Variants in GAD2 observed in about 807,000 individuals in gnomAD.
The protein encoded by GAD2 is glutamate decarboxylase 2.
Under a neutral mutation model 80.1 loss-of-function variants are expected in GAD2, and 22 were observed. The ratio of observed to expected loss-of-function variants is 0.27; its 90% CI spans 0.20 to 0.39. The LOEUF (loss-of-function observed/expected upper bound fraction) is 0.39. Among genes scored for constraint, GAD2 ranks in the 10% least tolerant of loss-of-function variants. GAD2 has a pLI of 1.00. For missense variants in GAD2, 624 were observed against 738.4 expected (o/e 0.85, Z 1.80); for synonymous variants, 274 against 256.9 (o/e 1.07, Z -0.64).
At chr10:26,236,393 C>T (rs947015939) in intron 7 of GAD2, among the ~76,000 whole-genome samples, 1 of 151,880 alleles carries the variant, frequency 6.6e-6, no homozygotes, top group East Asian at 1.9e-4. Context: ...CTCCGCCTCC[C>T]GGGATCAAGC....
chr10:26,220,992 A>G (rs1216115616), intron 4 of GAD2, among the ~76,000 whole-genome samples: 3 of 152,226 alleles, frequency 2.0e-5, no homozygotes, highest in African/African-American at 7.2e-5. Flanking sequence ...TAAAAATGTG[A>G]TGGATTAAGT....
chr10:26,256,276 T>C (rs1844942597), intron 8 of GAD2, among the ~76,000 whole-genome samples: 1 of 151,968 alleles, frequency 6.6e-6, no homozygotes, highest in South Asian at 2.1e-4. Flanking sequence ...AGAGAACCAT[T>C]TGCAAGCTCC....
At chr10:26,232,565 CG>C (rs1844618157) in intron 7 of GAD2, among the ~76,000 whole-genome samples, 1 of 148,198 alleles carries the variant, frequency 6.7e-6, no homozygotes, top group Admixed American at 6.9e-5. Context: ...GGTGCAGTCT[CG>C]GCTCACTGCA....
chr10:26,246,347 A>G (rs1412418362), intron 8 of GAD2, among the ~76,000 whole-genome samples: 7 of 152,202 alleles, frequency 4.6e-5, no homozygotes, highest in Non-Finnish European at 8.8e-5. Flanking sequence ...TTTGGGCACC[A>G]TAGATAGTGT....
chr10:26,285,631 C>G (rs577720363), intron 12 of GAD2, among the ~76,000 whole-genome samples: 1 of 152,184 alleles, frequency 6.6e-6, no homozygotes, highest in Non-Finnish European at 1.5e-5. Context: ...TGGCCATTGA[C>G]GATGAAACTT....
intron 6 of GAD2, among the ~76,000 whole-genome samples, chr10:26,228,295 A>G (rs1844554771): frequency 6.6e-6 from 1 of 152,238 alleles, no homozygotes; most frequent in Admixed American, 6.5e-5. Context: ...CTTACAAGAC[A>G]CAAATCTTAT....
intron 8 of GAD2, among the ~76,000 whole-genome samples, chr10:26,260,936 G>A (rs529413748): frequency 1.3e-5 from 2 of 152,014 alleles, no homozygotes; most frequent in Non-Finnish European, 2.9e-5. Context: ...ATACTTATGG[G>A]GTACATGAGA....
intron 7 of GAD2, among the ~76,000 whole-genome samples, chr10:26,237,146 C>T (rs940154473): frequency 6.6e-6 from 1 of 152,120 alleles, no homozygotes; most frequent in African/African-American, 2.4e-5. Flanking sequence ...ACCCAGTGCC[C>T]GCTCTCAGCA....
chr10:26,237,172 G>A (rs1462163038), intron 7 of GAD2, among the ~76,000 whole-genome samples: 1 of 152,142 alleles, frequency 6.6e-6, no homozygotes, highest in Non-Finnish European at 1.5e-5. Flanking sequence ...CCCTTGTTCT[G>A]GGGAAGAAAG....
intron 8 of GAD2, among the ~76,000 whole-genome samples, chr10:26,266,804 G>A (rs1249281438): frequency 6.6e-6 from 1 of 152,196 alleles, no homozygotes; most frequent in Non-Finnish European, 1.5e-5. Context: ...TCAGATGTGA[G>A]CTTAAAATAT....
chr10:26,216,743 G>A (rs1844376097), upstream of GAD2: 12 of 1,458,588 alleles, frequency 8.2e-6, no homozygotes, highest in Admixed American at 1.6e-4. The surrounding 1 kb of genome is among the most constrained non-coding windows in gnomAD (Gnocchi z 4.7). Flanking sequence ...GCGCGCGCAG[G>A]GCCAAGCCCG....
chr10:26,226,993 T>C (rs74129119), intron 6 of GAD2, among the ~76,000 whole-genome samples: 1,982 of 152,276 alleles, frequency 0.013, 49 homozygotes, highest in African/African-American at 0.045. Flanking sequence ...ATTCATGTAT[T>C]TTATTTTTTA....
intron 8 of GAD2, among the ~76,000 whole-genome samples, chr10:26,255,316 G>T (rs1482294602): frequency 1.3e-5 from 2 of 152,228 alleles, no homozygotes; most frequent in African/African-American, 4.8e-5. Flanking sequence ...TGACTTCTAA[G>T]GAGGCGGCTG....
At chr10:26,248,218 G>A (rs534828410) in intron 8 of GAD2, among the ~76,000 whole-genome samples, 6 of 152,332 alleles carry the variant, frequency 3.9e-5, no homozygotes, top group South Asian at 2.1e-4. Context: ...AGTTTGGCCC[G>A]AAAGGGTGGG....
chr10:26,269,979 G>A (rs1339448563), intron 9 of GAD2, among the ~76,000 whole-genome samples: 2 of 152,064 alleles, frequency 1.3e-5, no homozygotes, highest in South Asian at 2.1e-4. Context: ...ATAACATCAC[G>A]TTCTATAGAC....
intron 15 of GAD2, among the ~76,000 whole-genome samples, chr10:26,295,674 C>A (rs75219475): frequency 0.014 from 2,083 of 152,224 alleles, 19 homozygotes; most frequent in Admixed American, 0.015. Flanking sequence ...AAATTTGGTT[C>A]TTCAATCACA....
In GAD2 at chr10:26,249,108, GCT is replaced by G; in HGVS notation, c.920+3109_920+3110del. On this transcript the variant is annotated intron_variant, in intron 8 of 15. Coordinates refer to ENST00000376261, the MANE Select transcript of GAD2 (RefSeq NM_001134366.2). The stretch of plus-strand genomic sequence containing the variant: ...GATGGAGTCTCGCTCTGTTGCCCAG[GCT>G]GGAGTGCAGTGGTGCTGTCTCGGCT... Among the ~76,000 whole-genome samples the G allele has an allele frequency of 2.0e-5, 3 of 152,304 alleles. No individual in the cohort carries two copies. The East Asian group carries it at 5.8e-4, about 29-fold the overall frequency.
At chr10:26,218,960 G>T (rs981736826) in intron 3 of GAD2, 83 bp from the exon 4 acceptor site, 12 of 1,023,122 alleles carry the variant, frequency 1.2e-5, no homozygotes, top group Admixed American at 3.2e-5. Flanking sequence ...TCAATTCAAA[G>T]AAATGTTATT....
chr10:26,247,243 C>A (rs1422395085), intron 8 of GAD2, among the ~76,000 whole-genome samples: 1 of 152,198 alleles, frequency 6.6e-6, no homozygotes, highest in African/African-American at 2.4e-5. Flanking sequence ...ATTACCATGG[C>A]ATTTGTAAAC....
Sources: allele counts gnomAD v4.1 joint callset (sites outside exome capture counted in the v4.1 genomes callset), GRCh38; gene constraint gnomAD v4.1.1; non-coding constraint Gnocchi (gnomAD v3.1); transcripts MANE v1.5; gene names NCBI Gene and HGNC (gene_info 2026-07-23, HGNC 2026-07-21).